ROBO2: variants seen among roughly 807,000 people sequenced by gnomAD.
ROBO2 encodes roundabout homolog 2.
A neutral mutation model predicts 160.8 loss-of-function variants in ROBO2; 53 were observed. The ratio of observed to expected loss-of-function variants is 0.33; its 90% CI spans 0.26 to 0.41. The LOEUF (loss-of-function observed/expected upper bound fraction) is 0.41. Among genes scored for constraint, ROBO2 ranks in the 10% least tolerant of loss-of-function variants. The pLI is 1.00. For synonymous variants in ROBO2, 664 were observed against 611.7 expected, an observed-to-expected ratio of 1.09 and a Z score of -1.26; for missense variants, 1,577 against 1,722.4, an observed-to-expected ratio of 0.92 and a Z score of 1.49.
At chr3:75,998,420 C>T (rs2065790223) in intron 2 of ROBO2, among the ~76,000 whole-genome samples, 1 of 152,154 alleles carries the variant, frequency 6.6e-6, no homozygotes, top group Admixed American at 6.5e-5. Context: ...CCTCTACCAA[C>T]ACTTTCATAG....
At chr3:76,155,314 C>G (rs1250261355) in intron 2 of ROBO2, among the ~76,000 whole-genome samples, 1 of 152,152 alleles carries the variant, frequency 6.6e-6, no homozygotes, top group Non-Finnish European at 1.5e-5. Flanking sequence ...GAACCTCAAT[C>G]TGATCCTGTT....
At chr3:76,462,572 A>C (rs934328991) in intron 2 of ROBO2, among the ~76,000 whole-genome samples, 3 of 151,902 alleles carry the variant, frequency 2.0e-5, no homozygotes, top group Admixed American at 1.3e-4. Context: ...ACTAACCTGC[A>C]CAATGTGCAC....
chr3:76,177,708 C>T (rs941518236), intron 2 of ROBO2, among the ~76,000 whole-genome samples: 2 of 152,040 alleles, frequency 1.3e-5, no homozygotes, highest in Non-Finnish European at 2.9e-5. Flanking sequence ...TCTTTTATAT[C>T]GTCCCTGCCA....
exon 8 of ROBO2, chr3:77,550,979 G>C (rs1229631552): frequency 6.2e-7 from 1 of 1,612,648 alleles, no homozygotes; most frequent in Non-Finnish European, 8.5e-7. Context: ...CTCAACTGGA[G>C]GTTACTGATG....
intron 2 of ROBO2, among the ~76,000 whole-genome samples, chr3:76,282,994 A>C: frequency 6.9e-6 from 1 of 145,046 alleles, no homozygotes; most frequent in Middle Eastern, 3.5e-3. Flanking sequence ...TTTTTTCTTT[A>C]TTTTAAGAAA....
At chr3:76,765,512 G>T (rs1316561564) in intron 2 of ROBO2, among the ~76,000 whole-genome samples, 1 of 151,600 alleles carries the variant, frequency 6.6e-6, no homozygotes, top group East Asian at 2.0e-4. Context: ...TGATAGAAAT[G>T]ATGCTGAATG....
At chr3:75,942,345 G>A (rs1948095721) in intron 2 of ROBO2, among the ~76,000 whole-genome samples, 1 of 152,076 alleles carries the variant, frequency 6.6e-6, no homozygotes, top group South Asian at 2.1e-4. Flanking sequence ...AATGAATATT[G>A]AATGTGTATT....
intron 2 of ROBO2, among the ~76,000 whole-genome samples, chr3:76,124,831 A>C (rs2070905678): frequency 6.6e-6 from 1 of 152,156 alleles, no homozygotes. Context: ...AAACATAGCA[A>C]CATTATTTTA....
chr3:77,461,583 A>G (rs2082246770), intron 2 of ROBO2, among the ~76,000 whole-genome samples: 1 of 152,036 alleles, frequency 6.6e-6, no homozygotes, highest in African/African-American at 2.4e-5. Context: ...TTCAATCCAT[A>G]TGAAATATAA....
Position 76,034,439 on chromosome 3 carries a change from A to G in ROBO2, c.109+96837A>G, listed in dbSNP as rs567803843. On this transcript the variant is annotated intron_variant, in intron 2 of 26. Coordinates refer to the ROBO2 transcript ENST00000487694. ...GACAAGTCACCTATACTAATTTTCT[A>G]TGATAAGATGTGGAGACTAGGTTAT... 2.6e-5 allele frequency among the ~76,000 whole-genome samples: 4 copies of G among 152,270 alleles called. No homozygotes were observed. The South Asian group carries it at 6.2e-4, about 24-fold the overall frequency.
chr3:77,392,896 G>A (rs923006822), intron 2 of ROBO2, among the ~76,000 whole-genome samples: 1 of 152,138 alleles, frequency 6.6e-6, no homozygotes, highest in African/African-American at 2.4e-5. Context: ...AACAAAACAA[G>A]TTTGTGATGC....
chr3:76,512,610 C>CA (rs2081155530), intron 2 of ROBO2, among the ~76,000 whole-genome samples: 1 of 152,142 alleles, frequency 6.6e-6, no homozygotes, highest in South Asian at 2.1e-4. Context: ...CAAACACCCA[C>CA]AGACAGCACA....
At position 76,628,758 on chromosome 3, in the gene ROBO2, C is replaced by G. The variant is rs576135995; in HGVS notation, c.110-469256C>G. 2.3e-3 allele frequency among the ~76,000 whole-genome samples: 349 copies of G among 152,212 alleles called. 4 individuals carry two copies. Among genetic ancestry groups the G allele is most frequent in the South Asian group, 0.021 (101 of 4,816 alleles). On this transcript the variant is annotated intron_variant, in intron 2 of 26. Coordinates refer to the ROBO2 transcript ENST00000487694. ...GTTTTGTGACTCACATCTATCAATT[C>G]TACTAGTTTTGTTTTTGCCATTGTT...
chr3:76,638,725 A>G (rs2090472374), intron 2 of ROBO2, among the ~76,000 whole-genome samples: 3 of 152,180 alleles, frequency 2.0e-5, no homozygotes, highest in Admixed American at 6.6e-5. Context: ...GCTTATCAGT[A>G]GCCTTTTTTG....
intron 20 of ROBO2, among the ~76,000 whole-genome samples, chr3:77,605,742 C>T (rs186607782): frequency 6.8e-4 from 103 of 152,222 alleles, no homozygotes; most frequent in African/African-American, 2.4e-3. Context: ...ATGTGGACCA[C>T]GTAACACTCA....
intron 2 of ROBO2, among the ~76,000 whole-genome samples, chr3:77,296,969 A>T (rs1262998852): frequency 6.6e-6 from 1 of 152,092 alleles, no homozygotes; most frequent in African/African-American, 2.4e-5. Context: ...ACTTTGACTT[A>T]TTCGTCTGTA....
rs545534149 is a variant in ROBO2 at position 76,219,359 on chromosome 3, A to T, written c.109+281757A>T. 2.0e-5 allele frequency among the ~76,000 whole-genome samples: 3 copies of T among 152,362 alleles called. 1 individual carries two copies. The highest frequency in any genetic ancestry group is 7.2e-5 in the African/African-American group (3 of 41,594). On this transcript the variant is annotated intron_variant, in intron 2 of 26. Coordinates refer to the ROBO2 transcript ENST00000487694. ...TTAAACTAAAGAGCTTGTGCACAGC[A>T]AAAGAAACCACCATCAGAGTGAACA... is the stretch of plus-strand genomic sequence containing the variant.
At position 76,976,008 on chromosome 3, in the gene ROBO2, G is replaced by A. The variant is rs116272749; in HGVS notation, c.110-122006G>A. Among the ~76,000 whole-genome samples the A allele has an allele frequency of 3.5e-3, 532 of 152,256 alleles. 5 individuals carry two copies. The highest frequency in any genetic ancestry group is 0.011 in the African/African-American group (472 of 41,564). ...CAGATAATTGGACGTACAGAGTCTC[G>A]TCTGCCACTGAATTTAAACTCTGAA... is the stretch of plus-strand genomic sequence containing the variant. On this transcript the variant is annotated intron_variant, in intron 2 of 26. Transcript: ENST00000487694.
intron 2 of ROBO2, among the ~76,000 whole-genome samples, chr3:77,143,253 T>G (rs1407752237): frequency 6.8e-6 from 1 of 147,702 alleles, no homozygotes; most frequent in Non-Finnish European, 1.5e-5. Context: ...TGGTACAATC[T>G]TGACAATCTT....
Sources: allele counts gnomAD v4.1 joint callset (sites outside exome capture counted in the v4.1 genomes callset), GRCh38; gene constraint gnomAD v4.1.1; transcripts MANE v1.5; gene names NCBI Gene and HGNC (gene_info 2026-07-23, HGNC 2026-07-21).